The following ARHGAP42 variants were observed in gnomAD, a reference collection of about 807,000 sequenced individuals.
ARHGAP42 encodes Rho GTPase activating protein 42.
A neutral mutation model predicts 125.0 loss-of-function variants in ARHGAP42; 63 were observed. The ratio of observed to expected loss-of-function variants is 0.50; its 90% CI spans 0.41 to 0.62. The LOEUF (loss-of-function observed/expected upper bound fraction) is 0.62, where lower values mean the gene tolerates loss of function less well. ARHGAP42 is among the 20% of genes least tolerant of loss of function. The probability of loss-of-function intolerance (pLI) is 0.00; values close to 1 mark genes in which losing one functional copy is unlikely to be tolerated. For missense variants in ARHGAP42, 766 were observed against 1,024.2 expected (o/e 0.75, Z 3.44); for synonymous variants, 339 against 351.0 (o/e 0.97, Z 0.38).
intron 5 of ARHGAP42, among the ~76,000 whole-genome samples, chr11:100,920,241 G>A (rs1193140302): frequency 6.6e-6 from 1 of 152,070 alleles, no homozygotes; most frequent in Non-Finnish European, 1.5e-5. Context: ...GGTAATATTG[G>A]ATTATTTGTA....
intron 6 of ARHGAP42, among the ~76,000 whole-genome samples, chr11:100,927,378 G>A (rs186293525): frequency 6.6e-6 from 1 of 152,136 alleles, no homozygotes; most frequent in African/African-American, 2.4e-5. Flanking sequence ...TAGGACTAAA[G>A]GTTAAATTTC....
intron 8 of ARHGAP42, among the ~76,000 whole-genome samples, chr11:100,940,486 G>A (rs567005798): frequency 6.6e-6 from 1 of 152,086 alleles, no homozygotes; most frequent in Non-Finnish European, 1.5e-5. Flanking sequence ...TTCCACCTTG[G>A]TCATGGAAAC....
At chr11:100,895,307 C>T (rs1439538066) in intron 4 of ARHGAP42, among the ~76,000 whole-genome samples, 1 of 152,078 alleles carries the variant, frequency 6.6e-6, no homozygotes. Flanking sequence ...TAAGATTTCC[C>T]AACCTCAGCA....
intron 4 of ARHGAP42, among the ~76,000 whole-genome samples, chr11:100,874,054 A>T (rs1336696809): frequency 6.6e-6 from 1 of 152,206 alleles, no homozygotes; most frequent in East Asian, 1.9e-4. Flanking sequence ...AGTAATTTAC[A>T]AAGAAAAGAG....
At position 100,992,711 on chromosome 11, in the gene ARHGAP42, G is replaced by A. The variant is rs761395129; in HGVS notation, c.*3910G>A. ...GGTTTATGAATGATGTGGACTTTTA[G>A]AGGATCAAATCAATAAATTGGATTT... On this transcript the variant is annotated 3_prime_UTR_variant, in exon 24 of 24. Transcript: ENST00000298815. 4.5e-6 allele frequency: 7 copies of A among 1,552,628 alleles called. No homozygotes were observed. Among genetic ancestry groups the A allele is most frequent in the Non-Finnish European group, 6.1e-6 (7 of 1,152,866 alleles).
intron 4 of ARHGAP42, among the ~76,000 whole-genome samples, chr11:100,879,254 A>T (rs1865899239): frequency 6.6e-6 from 1 of 152,158 alleles, no homozygotes; most frequent in South Asian, 2.1e-4. Context: ...TTTGGTATCC[A>T]CATCTCTGAT....
At chr11:100,930,132 C>T (rs1007818172) in intron 6 of ARHGAP42, among the ~76,000 whole-genome samples, 2 of 152,144 alleles carry the variant, frequency 1.3e-5, no homozygotes, top group Admixed American at 6.6e-5. Context: ...GTTGTTATTA[C>T]GGTTACTGTT....
intron 4 of ARHGAP42, among the ~76,000 whole-genome samples, chr11:100,896,952 C>T (rs964716939): frequency 6.6e-6 from 1 of 152,124 alleles, no homozygotes; most frequent in African/African-American, 2.4e-5. Flanking sequence ...AGGTTTTCTT[C>T]TAGGGATTTT....
At chr11:100,808,949 T>C (rs911670966) in intron 3 of ARHGAP42, among the ~76,000 whole-genome samples, 4 of 152,192 alleles carry the variant, frequency 2.6e-5, no homozygotes, top group Non-Finnish European at 5.9e-5. Flanking sequence ...ATCCTGTGAT[T>C]TATCTGTGTG....
intron 1 of ARHGAP42, among the ~76,000 whole-genome samples, chr11:100,768,431 C>G (rs1453507200): frequency 6.6e-6 from 1 of 152,174 alleles, no homozygotes; most frequent in East Asian, 1.9e-4. Context: ...CTTGCTAAAA[C>G]TAGGCTCTGC....
intron 13 of ARHGAP42, 82 bp downstream of exon 13, chr11:100,960,027 G>A: frequency 8.1e-7 from 1 of 1,241,036 alleles, no homozygotes. Flanking sequence ...ATAAATCATT[G>A]AAGATGTATT....
At chr11:100,955,121 C>A (rs1857769887) in intron 12 of ARHGAP42, among the ~76,000 whole-genome samples, 1 of 152,034 alleles carries the variant, frequency 6.6e-6, no homozygotes, top group South Asian at 2.1e-4. Context: ...TTTTCCTTTC[C>A]TCATGGCTGT....
chr11:100,992,740 A>AT lies in ARHGAP42; in HGVS notation c.*3945dup. 2 of 1,523,162 alleles carry AT rather than the reference A, an allele frequency of 1.3e-6. No homozygotes were observed. The highest frequency in any genetic ancestry group is 1.3e-5 in the South Asian group (1 of 75,138). The allele number at this position is 1,523,162 out of a possible 1,614,324, so 94.4% of individuals were successfully genotyped here. A position where few individuals can be genotyped will look rare whatever the true frequency, so the allele number is the denominator to read the frequency against. On this transcript the variant is annotated 3_prime_UTR_variant, in exon 24 of 24. Transcript: ENST00000298815. The stretch of plus-strand genomic sequence containing the variant: ...ATCAAATCAATAAATTGGATTTTTT[A>AT]TTTTTTGAGGGCAGCTGCCCTCACT...
intron 1 of ARHGAP42, among the ~76,000 whole-genome samples, chr11:100,766,222 GGTGTGTGT>G (rs145892062): frequency 6.7e-6 from 1 of 149,280 alleles, no homozygotes; most frequent in Non-Finnish European, 1.5e-5. Flanking sequence ...AAGGATGTGG[GGTGTGTGT>G]GTGTGTGTGT....
chr11:100,698,635 C>G (rs1368733587), intron 1 of ARHGAP42, among the ~76,000 whole-genome samples: 1 of 152,024 alleles, frequency 6.6e-6, no homozygotes, highest in African/African-American at 2.4e-5. Flanking sequence ...GAGCCCAGAT[C>G]GTGCCATTGT....
chr11:100,895,535 G>A (rs537590972), intron 4 of ARHGAP42, among the ~76,000 whole-genome samples: 18 of 149,444 alleles, frequency 1.2e-4, no homozygotes, highest in Non-Finnish European at 1.9e-4. Flanking sequence ...CAAAGATCAA[G>A]GGAGGAGGGT....
At chr11:100,817,053 G>A (rs938413435) in intron 3 of ARHGAP42, among the ~76,000 whole-genome samples, 4 of 152,200 alleles carry the variant, frequency 2.6e-5, no homozygotes, top group African/African-American at 7.2e-5. Context: ...CAGGCTGTAG[G>A]TGGGGACCTG....
intron 1 of ARHGAP42, among the ~76,000 whole-genome samples, chr11:100,736,714 G>T (rs1862075627): frequency 6.6e-6 from 1 of 152,156 alleles, no homozygotes; most frequent in African/African-American, 2.4e-5. Context: ...TCTCCGAAAG[G>T]ATCTTGACGT....
At chr11:100,781,666 G>T (rs1863314944) in intron 2 of ARHGAP42, among the ~76,000 whole-genome samples, 1 of 152,124 alleles carries the variant, frequency 6.6e-6, no homozygotes, top group African/African-American at 2.4e-5. Flanking sequence ...TGATAAAACA[G>T]TTAAGTTCAC....
Sources: allele counts gnomAD v4.1 joint callset (sites outside exome capture counted in the v4.1 genomes callset), GRCh38; gene constraint gnomAD v4.1.1; transcripts MANE v1.5; gene names NCBI Gene and HGNC (gene_info 2026-07-23, HGNC 2026-07-21).